The following SPOCK3 variants were observed in gnomAD, a reference collection of about 807,000 sequenced individuals.
SPOCK3 encodes testican-3.
Under a neutral mutation model 56.6 loss-of-function variants are expected in SPOCK3, and 30 were observed. That is an observed-to-expected ratio of 0.53 (90% CI 0.40 to 0.72). SPOCK3 has a LOEUF of 0.72. Among genes scored for constraint, SPOCK3 ranks in the 30% least tolerant of loss-of-function variants. The pLI is 0.00. For synonymous variants in SPOCK3, 196 were observed against 183.3 expected, an observed-to-expected ratio of 1.07 and a Z score of -0.56; for missense variants, 527 against 530.0, an observed-to-expected ratio of 0.99 and a Z score of 0.06.
chr4:167,159,114 T>C (rs1464317466), intron 2 of SPOCK3, among the ~76,000 whole-genome samples: 1 of 152,036 alleles, frequency 6.6e-6, no homozygotes, highest in Non-Finnish European at 1.5e-5. Context: ...GTGAATCCTT[T>C]ATAATCTGAG....
intron 2 of SPOCK3, among the ~76,000 whole-genome samples, chr4:167,178,446 T>C (rs1186122339): frequency 6.6e-6 from 1 of 152,178 alleles, no homozygotes; most frequent in East Asian, 1.9e-4. Context: ...TAAAATACTG[T>C]TGTCCATGAA....
At position 167,211,323 on chromosome 4, in the gene SPOCK3, T is replaced by C. The variant is rs140779673; in HGVS notation, c.189+22662A>G. Among the ~76,000 whole-genome samples, 17 of 152,294 alleles carry C rather than the reference T, an allele frequency of 1.1e-4. 1 individual carries two copies. In the East Asian group the frequency reaches 2.7e-3, roughly 24 times the overall value. ...TAGGAGGAAGGGAACTTGCTTGTCT[T>C]AGATGAGACTTTGGACGGTAGAGTT... is the stretch of plus-strand genomic sequence containing the variant. On this transcript the variant is annotated intron_variant, in intron 2 of 10. Transcript: ENST00000357545.
chr4:166,940,652 T>C (rs893229043), intron 4 of SPOCK3, among the ~76,000 whole-genome samples: 6 of 151,316 alleles, frequency 4.0e-5, no homozygotes, highest in Admixed American at 2.6e-4. Context: ...TAATGAGATA[T>C]GTGAAATATG....
intron 4 of SPOCK3, among the ~76,000 whole-genome samples, chr4:166,991,364 T>TA (rs1405655077): frequency 6.7e-6 from 1 of 150,358 alleles, no homozygotes; most frequent in Non-Finnish European, 1.5e-5. Flanking sequence ...TTTATTTATT[T>TA]ATTTATTTAT....
intron 4 of SPOCK3, among the ~76,000 whole-genome samples, chr4:166,917,608 A>G (rs1283541663): frequency 2.0e-5 from 3 of 152,110 alleles, no homozygotes; most frequent in Non-Finnish European, 4.4e-5. Context: ...ACTGCATCCT[A>G]TACAGGGTCA....
chr4:167,068,324 T>C (rs1756359255), intron 2 of SPOCK3, among the ~76,000 whole-genome samples: 1 of 151,698 alleles, frequency 6.6e-6, no homozygotes, highest in African/African-American at 2.4e-5. Flanking sequence ...TCCAATTTTA[T>C]TTTCTGAAAA....
At chr4:167,119,194 T>C (rs1761670085) in intron 2 of SPOCK3, among the ~76,000 whole-genome samples, 1 of 152,084 alleles carries the variant, frequency 6.6e-6, no homozygotes, top group Admixed American at 6.6e-5. Context: ...AAAAATAATC[T>C]GTAATGGCAA....
intron 6 of SPOCK3, among the ~76,000 whole-genome samples, chr4:166,838,253 T>C (rs565603633): frequency 1.9e-4 from 29 of 152,182 alleles, no homozygotes; most frequent in Non-Finnish European, 3.2e-4. Context: ...TCAAAAACTT[T>C]TTCAGCTCCA....
chr4:167,122,774 A>T (rs1009715887), intron 2 of SPOCK3, among the ~76,000 whole-genome samples: 4 of 152,184 alleles, frequency 2.6e-5, no homozygotes, highest in Non-Finnish European at 5.9e-5. Context: ...CTTCTGGAGA[A>T]CACTAAATTA....
At chr4:166,810,936 GATTGA>G (rs1170532466) in intron 6 of SPOCK3, among the ~76,000 whole-genome samples, 1 of 151,762 alleles carries the variant, frequency 6.6e-6, no homozygotes, top group Non-Finnish European at 1.5e-5. Context: ...CTACAAATAG[GATTGA>G]ATTATTTAAA....
intron 3 of SPOCK3, among the ~76,000 whole-genome samples, chr4:167,058,887 A>T (rs1029891146): frequency 7.9e-5 from 12 of 152,208 alleles, no homozygotes; most frequent in Non-Finnish European, 1.6e-4. Flanking sequence ...CCTGAGAAAA[A>T]CAAGCAATGG....
chr4:167,156,998 A>G (rs1764871107), intron 2 of SPOCK3, among the ~76,000 whole-genome samples: 2 of 152,128 alleles, frequency 1.3e-5, no homozygotes, highest in Admixed American at 1.3e-4. Context: ...TAAATGCTGG[A>G]TCTCTTGCAT....
At chr4:166,802,243 CTT>C (rs1268453337) in intron 6 of SPOCK3, among the ~76,000 whole-genome samples, 7 of 152,042 alleles carry the variant, frequency 4.6e-5, no homozygotes, top group Admixed American at 1.3e-4. Flanking sequence ...TGAATAAAGA[CTT>C]TGTGAGAAAA....
chr4:166,888,124 T>C (rs992185616), intron 6 of SPOCK3, among the ~76,000 whole-genome samples: 4 of 152,122 alleles, frequency 2.6e-5, no homozygotes, highest in Non-Finnish European at 5.9e-5. Context: ...GGAAGTTATA[T>C]CTGTAATAAA....
At chr4:167,109,326 T>C (rs866372382) in intron 2 of SPOCK3, among the ~76,000 whole-genome samples, 9 of 88,286 alleles carry the variant, frequency 1.0e-4, no homozygotes, top group Admixed American at 2.0e-4. Context: ...AATATATTAA[T>C]ATATATTAAT....
chr4:166,826,020 C>A (rs965326666), intron 6 of SPOCK3, among the ~76,000 whole-genome samples: 1 of 152,006 alleles, frequency 6.6e-6, no homozygotes, highest in Admixed American at 6.6e-5. Flanking sequence ...CCAAAACCAC[C>A]TGTTCCCCAA....
intron 7 of SPOCK3, among the ~76,000 whole-genome samples, chr4:166,787,084 G>A (rs914223289): frequency 3.9e-5 from 6 of 152,042 alleles, no homozygotes; most frequent in African/African-American, 1.4e-4. Context: ...TGTAAATATT[G>A]AGAATTAGTT....
At chr4:167,198,406 A>G (rs773797162) in intron 2 of SPOCK3, among the ~76,000 whole-genome samples, 28 of 152,076 alleles carry the variant, frequency 1.8e-4, no homozygotes, top group Non-Finnish European at 3.7e-4. Flanking sequence ...GTGAACTCCC[A>G]CCTTGTTGAA....
rs182124744 is a variant in SPOCK3 at position 167,177,199 on chromosome 4, G to A, written c.189+56786C>T. Among the ~76,000 whole-genome samples, 345 of 152,164 alleles carry A rather than the reference G, an allele frequency of 2.3e-3. 2 individuals carry two copies. The highest frequency in any genetic ancestry group is 7.7e-3 in the African/African-American group (320 of 41,518). On this transcript the variant is annotated intron_variant, in intron 2 of 10. Transcript: ENST00000357545. Reference sequence around the variant, plus strand: ...TGGCCTGAGTAACCTGAGAGCAGGGGTATGGTAGAGGATGGCAATTCTTCA... The same window carrying A: ...TGGCCTGAGTAACCTGAGAGCAGGGATATGGTAGAGGATGGCAATTCTTCA...
Sources: allele counts gnomAD v4.1 joint callset (sites outside exome capture counted in the v4.1 genomes callset), GRCh38; gene constraint gnomAD v4.1.1; transcripts MANE v1.5; gene names NCBI Gene and HGNC (gene_info 2026-07-23, HGNC 2026-07-21).